METTL24: variants seen among roughly 807,000 people sequenced by gnomAD.
METTL24 encodes methyltransferase like 24, also known as probable methyltransferase-like protein 24.
METTL24 carries 29 observed loss-of-function variants against 32.7 expected under a neutral mutation model. The observed-to-expected ratio is 0.89, with a 90% CI of 0.66 to 1.21. The LOEUF (loss-of-function observed/expected upper bound fraction) is 1.21, where lower values mean the gene tolerates loss of function less well. METTL24 is among the 50% of genes most tolerant of loss of function. METTL24 has a pLI of 0.00. For synonymous variants in METTL24, 163 were observed against 179.5 expected (o/e 0.91, Z 0.73); for missense variants, 439 against 468.1 (o/e 0.94, Z 0.57).
At chr6:110,291,404 T>TC (rs942281971) in intron 4 of METTL24, among the ~76,000 whole-genome samples, 1 of 152,188 alleles carries the variant, frequency 6.6e-6, no homozygotes, top group African/African-American at 2.4e-5. Flanking sequence ...TTTACTTTTT[T>TC]CCCATACAGA....
At chr6:110,350,762 C>CAAAATAAAGT (rs1772581178) in intron 1 of METTL24, among the ~76,000 whole-genome samples, 1 of 115,906 alleles carries the variant, frequency 8.6e-6, no homozygotes, top group Non-Finnish European at 1.7e-5. Flanking sequence ...CCTGTCTCAA[C>CAAAATAAAGT]AAAATAAAAT....
chr6:110,322,510 G>A (rs775026945), intron 2 of METTL24, among the ~76,000 whole-genome samples: 12 of 152,196 alleles, frequency 7.9e-5, no homozygotes, highest in Non-Finnish European at 1.8e-4. Flanking sequence ...TTTCTAAAGT[G>A]GATCTTTAAA....
intron 4 of METTL24, among the ~76,000 whole-genome samples, chr6:110,254,852 A>G (rs1330391219): frequency 1.3e-5 from 2 of 152,198 alleles, no homozygotes; most frequent in Non-Finnish European, 2.9e-5. Context: ...GTTTTTATAT[A>G]TCAAGTTTAC....
intron 2 of METTL24, 84 bp from the exon 3 acceptor site, chr6:110,315,565 G>T: frequency 4.8e-6 from 7 of 1,455,834 alleles, no homozygotes; most frequent in Non-Finnish European, 6.6e-6. Flanking sequence ...CCCCATCCTT[G>T]AAAACCGTAA....
At chr6:110,325,472 TG>T (rs1289584555) in intron 1 of METTL24, among the ~76,000 whole-genome samples, 2 of 152,202 alleles carry the variant, frequency 1.3e-5, no homozygotes, top group African/African-American at 4.8e-5. Flanking sequence ...TGTAGTTTGC[TG>T]ACTCCTGCTC....
At chr6:110,353,764 G>A (rs1329282695) in intron 1 of METTL24, among the ~76,000 whole-genome samples, 2 of 151,996 alleles carry the variant, frequency 1.3e-5, no homozygotes, top group Non-Finnish European at 2.9e-5. Flanking sequence ...TTGCAAATGG[G>A]CCCTGTATGT....
intron 2 of METTL24, 145 bp from the exon 3 acceptor site, chr6:110,315,626 C>T: frequency 1.3e-6 from 1 of 762,618 alleles, no homozygotes; most frequent in Non-Finnish European, 2.1e-6. Flanking sequence ...CCCCAGGGAA[C>T]CACAAGACTG....
At chr6:110,267,111 T>C (rs934839857) in intron 4 of METTL24, among the ~76,000 whole-genome samples, 3 of 152,038 alleles carry the variant, frequency 2.0e-5, no homozygotes, top group African/African-American at 7.2e-5. Flanking sequence ...AAGGGGCCTA[T>C]GGCCCATGCA....
chr6:110,321,727 G>A (rs1295376502), intron 2 of METTL24, among the ~76,000 whole-genome samples: 1 of 152,136 alleles, frequency 6.6e-6, no homozygotes, highest in East Asian at 1.9e-4. Context: ...CCATGTTTGG[G>A]TGACAAATAC....
chr6:110,246,055 A>C lies in METTL24; in HGVS notation c.992T>G (p.Leu331Arg). The C allele has an allele frequency of 6.2e-7, 1 of 1,614,188 alleles. No homozygotes were observed. Among genetic ancestry groups the C allele is most frequent in the South Asian group, 1.1e-5 (1 of 91,082 alleles). The stretch of plus-strand genomic sequence containing the variant: ...AGATAAGTCTTTGTAACTGTGAAAA[A>C]GCCTGAAATCCTTTTGTTCTAACTC... ...LKELEQKDFR[L>R]FHSYKDLSKP... The change falls in exon 5 of 5, where the codon CTT becomes CGT. Residue 331 changes from leucine (L) to arginine (R), a missense_variant. Coordinates refer to ENST00000338882, the MANE Select transcript of METTL24 (RefSeq NM_001123364.3).
intron 4 of METTL24, 142 bp downstream of exon 4, chr6:110,298,780 A>ACCCAAC: frequency 1.4e-6 from 1 of 701,294 alleles, no homozygotes; most frequent in South Asian, 1.9e-5. Context: ...AGTTGACTCT[A>ACCCAAC]TAAATAATGT....
At chr6:110,251,059 T>A (rs1360108140) in intron 4 of METTL24, among the ~76,000 whole-genome samples, 1 of 152,228 alleles carries the variant, frequency 6.6e-6, no homozygotes, top group African/African-American at 2.4e-5. Context: ...AGCCTAGCTC[T>A]GGGAGTCACA....
intron 4 of METTL24, among the ~76,000 whole-genome samples, chr6:110,285,857 A>G (rs572703077): frequency 7.9e-5 from 12 of 152,344 alleles, no homozygotes; most frequent in Admixed American, 3.3e-4. Context: ...TTCTCAGACA[A>G]GTACACCCAC....
chr6:110,326,803 A>G (rs926204454), intron 1 of METTL24, among the ~76,000 whole-genome samples: 3 of 152,176 alleles, frequency 2.0e-5, no homozygotes, highest in Non-Finnish European at 4.4e-5. Flanking sequence ...CCACCCACCA[A>G]TCTCCTGCCT....
chr6:110,276,721 C>A (rs1771053778), intron 4 of METTL24, among the ~76,000 whole-genome samples: 1 of 152,136 alleles, frequency 6.6e-6, no homozygotes, highest in African/African-American at 2.4e-5. Context: ...CGACACCTGG[C>A]CCTTCTGCAG....
At chr6:110,265,579 G>A (rs1770842104) in intron 4 of METTL24, among the ~76,000 whole-genome samples, 2 of 152,122 alleles carry the variant, frequency 1.3e-5, no homozygotes, top group Admixed American at 6.6e-5. Context: ...GTGTCATGTG[G>A]GATTTCTAGA....
At chr6:110,297,659 CAA>C (rs1168132676) in intron 4 of METTL24, among the ~76,000 whole-genome samples, 2 of 152,040 alleles carry the variant, frequency 1.3e-5, no homozygotes, top group Non-Finnish European at 2.9e-5. Flanking sequence ...AAGAAAAAAA[CAA>C]AACCCTAAAT....
intron 1 of METTL24, among the ~76,000 whole-genome samples, chr6:110,330,619 A>G (rs1416253413): frequency 2.0e-5 from 3 of 152,048 alleles, no homozygotes; most frequent in African/African-American, 7.2e-5. Context: ...TCTGGAGCTA[A>G]CAGACAGACA....
At chr6:110,248,690 C>G (rs1345667266) in intron 4 of METTL24, among the ~76,000 whole-genome samples, 2 of 151,808 alleles carry the variant, frequency 1.3e-5, no homozygotes, top group Non-Finnish European at 2.9e-5. Flanking sequence ...GTAATCCCAG[C>G]AGGTGGATCA....
Sources: allele counts gnomAD v4.1 joint callset (sites outside exome capture counted in the v4.1 genomes callset), GRCh38; gene constraint gnomAD v4.1.1; transcripts MANE v1.5; gene names NCBI Gene and HGNC (gene_info 2026-07-23, HGNC 2026-07-21).